The following CDS2 variants were observed in gnomAD, a reference collection of about 807,000 sequenced individuals.
CDS2 encodes the protein CDP-diacylglycerol synthase 2, also known as phosphatidate cytidylyltransferase 2.
CDS2 carries 47 observed loss-of-function variants against 59.0 expected under a neutral mutation model. The observed-to-expected ratio is 0.80, with a 90% confidence interval of 0.63 to 1.02. CDS2 has a LOEUF of 1.02. Ranked by LOEUF, CDS2 falls within the 50% of genes least tolerant of loss-of-function variation. The pLI is 0.00. For synonymous variants in CDS2, 207 were observed against 206.4 expected (o/e 1.00, Z -0.02); for missense variants, 356 against 558.9 (o/e 0.64, Z 3.66).
rs192518464 is a variant in CDS2, at chr20:5,157,688, T to G, written c.58-15835T>G. 4.2e-3 allele frequency among the ~76,000 whole-genome samples: 641 copies of G among 152,304 alleles called. 4 individuals carry two copies. Among genetic ancestry groups the G allele is most frequent in the Non-Finnish European group, 5.7e-3 (388 of 68,022 alleles). On this transcript the variant is annotated intron_variant, in intron 1 of 12. Coordinates refer to ENST00000460006, the MANE Select transcript of CDS2 (RefSeq NM_003818.4). ...TCATCCAGGGCTTCTCACTGAGTCC[T>G]TATGTGGTGGAAGAAGGATTTCTCT...
intron 1 of CDS2, among the ~76,000 whole-genome samples, chr20:5,147,106 G>T (rs1004506241): frequency 2.0e-5 from 3 of 152,206 alleles, no homozygotes; most frequent in Non-Finnish European, 2.9e-5. Flanking sequence ...CCCTCCTGAG[G>T]GGTCATGTGC....
At chr20:5,149,750 C>T (rs1298998540) in intron 1 of CDS2, among the ~76,000 whole-genome samples, 4 of 151,564 alleles carry the variant, frequency 2.6e-5, no homozygotes, top group Admixed American at 2.0e-4. Context: ...GAACGTCGCT[C>T]TTTTGCCGAG....
At chr20:5,168,142 C>T (rs890749541) in intron 1 of CDS2, among the ~76,000 whole-genome samples, 1 of 152,016 alleles carries the variant, frequency 6.6e-6, no homozygotes, top group African/African-American at 2.4e-5. Context: ...GAGCTGGGTA[C>T]GGTAGCTCAC....
At chr20:5,188,977 T>C (rs1301814131) in intron 10 of CDS2, 90 bp from the exon 11 acceptor site, 1 of 1,545,468 alleles carries the variant, frequency 6.5e-7, no homozygotes, top group Non-Finnish European at 8.9e-7. Context: ...GAGGCCACAA[T>C]GAGGATCAAA....
intron 1 of CDS2, among the ~76,000 whole-genome samples, chr20:5,152,801 T>C (rs1157182811): frequency 6.6e-6 from 1 of 152,216 alleles, no homozygotes; most frequent in Non-Finnish European, 1.5e-5. Flanking sequence ...CTTTATTGAT[T>C]GGTTTTCTTC....
intron 1 of CDS2, among the ~76,000 whole-genome samples, chr20:5,166,401 T>G (rs1218749280): frequency 1.3e-5 from 2 of 152,096 alleles, no homozygotes; most frequent in African/African-American, 4.8e-5. Flanking sequence ...AGCTTGGTTT[T>G]GGACACATGG....
intron 4 of CDS2, among the ~76,000 whole-genome samples, chr20:5,177,368 A>C (rs554172502): frequency 5.3e-4 from 81 of 152,024 alleles, no homozygotes; most frequent in African/African-American, 1.6e-3. Context: ...ACTTCATCAG[A>C]GGTGTTTTGA....
At chr20:5,165,287 G>T (rs1023806052) in intron 1 of CDS2, among the ~76,000 whole-genome samples, 2 of 152,176 alleles carry the variant, frequency 1.3e-5, no homozygotes, top group Non-Finnish European at 2.9e-5. Context: ...GGGACAGCTG[G>T]CTGCAGCCCT....
At chr20:5,168,049 A>G (rs1568538080) in intron 1 of CDS2, among the ~76,000 whole-genome samples, 1 of 152,174 alleles carries the variant, frequency 6.6e-6, no homozygotes, top group African/African-American at 2.4e-5. Context: ...AGTTCCTCTT[A>G]GGCAAATATG....
At chr20:5,153,625 C>T (rs1203005476) in intron 1 of CDS2, among the ~76,000 whole-genome samples, 2 of 152,150 alleles carry the variant, frequency 1.3e-5, no homozygotes, top group Admixed American at 6.5e-5. Context: ...CTCCCAAGAT[C>T]GTATAGCTTG....
intron 1 of CDS2, among the ~76,000 whole-genome samples, chr20:5,145,826 T>TGC: frequency 6.7e-6 from 1 of 148,310 alleles, no homozygotes; most frequent in African/African-American, 2.5e-5. Context: ...TTTTGTGTTT[T>TGC]TTTTTTTTTT....
intron 1 of CDS2, among the ~76,000 whole-genome samples, chr20:5,149,282 A>G (rs544070018): frequency 6.6e-6 from 1 of 152,294 alleles, no homozygotes; most frequent in East Asian, 1.9e-4. Flanking sequence ...TTAAATATAC[A>G]TGCTATTTGT....
intron 1 of CDS2, among the ~76,000 whole-genome samples, chr20:5,146,828 A>G (rs1425631778): frequency 1.3e-5 from 2 of 152,234 alleles, no homozygotes; most frequent in Non-Finnish European, 2.9e-5. Flanking sequence ...TCTGGAGGTC[A>G]GAATTCTAGC....
In CDS2 at chr20:5,184,769, G is replaced by C. The variant is rs1430612507; in HGVS notation, c.672-89G>C. 1.0e-6 allele frequency: 1 copy of C among 990,292 alleles called. No individual in the cohort carries two copies. The highest frequency in any genetic ancestry group is 2.4e-5 in the East Asian group (1 of 41,848). 61.3% of individuals were successfully genotyped at this position (990,292 alleles called of 1,614,324 possible). A position where few individuals can be genotyped will look rare whatever the true frequency, so the allele number is the denominator to read the frequency against. ...TACCAGAATTTTATGGGTGATTTTG[G>C]TGCTGGAATTTAAGAATGGCACTAT... On this transcript the variant is annotated intron_variant, in intron 7 of 12. Coordinates refer to ENST00000460006, the MANE Select transcript of CDS2 (RefSeq NM_003818.4). This position sits in a 1 kb window ranked among gnomAD's most constrained non-coding sequence, Gnocchi z 4.3.
chr20:5,168,523 G>A lies in CDS2; in HGVS notation c.58-5000G>A. On this transcript the variant is annotated intron_variant, in intron 1 of 12. Coordinates refer to ENST00000460006, the MANE Select transcript of CDS2 (RefSeq NM_003818.4). ...CACAGTGCCCAAGGGATTCTCTCTA[G>A]CCATGGGCACAGCCACACTTTTTTG... 3 of 488,422 alleles carry A rather than the reference G, an allele frequency of 6.1e-6. No homozygotes were observed. In the Admixed American group the frequency reaches 6.4e-5, roughly 10 times the overall value. The allele number at this position is 488,422 out of a possible 1,614,324, so 30.3% of individuals were successfully genotyped here. A position where few individuals can be genotyped will look rare whatever the true frequency, so the allele number is the denominator to read the frequency against.
intron 1 of CDS2, among the ~76,000 whole-genome samples, chr20:5,168,154 C>G (rs1271412295): frequency 6.6e-6 from 1 of 152,034 alleles, no homozygotes; most frequent in Admixed American, 6.6e-5. Context: ...GTAGCTCACG[C>G]CTGTATTCCC....
intron 4 of CDS2, 69 bp downstream of exon 4, chr20:5,176,814 G>GACGGTGGGTATTTCTATCACTTGC (rs1247539352): frequency 1.9e-6 from 2 of 1,053,736 alleles, no homozygotes; most frequent in African/African-American, 3.1e-5. Context: ...TACTTACAGT[G>GACGGTGGGTATTTCTATCACTTGC]ACGGTGGGTA....
At chr20:5,145,236 A>ACCCCCCCCCCCCCCCC (rs796723724) in intron 1 of CDS2, among the ~76,000 whole-genome samples, 1 of 51,968 alleles carries the variant, frequency 1.9e-5, no homozygotes, top group African/African-American at 7.3e-5. Flanking sequence ...GAAAGGAAAG[A>ACCCCCCCCCCCCCCCC]CCCCCCCCCC....
At chr20:5,159,798 T>C (rs989188466) in intron 1 of CDS2, among the ~76,000 whole-genome samples, 7 of 152,298 alleles carry the variant, frequency 4.6e-5, no homozygotes, top group African/African-American at 1.7e-4. Context: ...ATGTGCAGTT[T>C]AAAAAGCAAA....
Sources: allele counts gnomAD v4.1 joint callset (sites outside exome capture counted in the v4.1 genomes callset), GRCh38; gene constraint gnomAD v4.1.1; non-coding constraint Gnocchi (gnomAD v3.1); transcripts MANE v1.5; gene names NCBI Gene and HGNC (gene_info 2026-07-23, HGNC 2026-07-21).